The following PSD3 variants were observed in gnomAD, a reference collection of about 807,000 sequenced individuals.
PSD3 encodes the protein PH and SEC7 domain-containing protein 3.
In PSD3, 49 loss-of-function variants were observed where a neutral mutation model predicts 105.5. The ratio of observed to expected loss-of-function variants is 0.46; its 90% confidence interval spans 0.37 to 0.59. The LOEUF (loss-of-function observed/expected upper bound fraction) is 0.59, where lower values mean the gene tolerates loss of function less well. Ranked by LOEUF, PSD3 falls within the 20% of genes least tolerant of loss-of-function variation. The probability of loss-of-function intolerance (pLI) is 0.00; values close to 1 mark genes in which losing one functional copy is unlikely to be tolerated. For synonymous variants in PSD3, 557 were observed against 457.8 expected (o/e 1.22, Z -2.77); for missense variants, 1,561 against 1,263.8 (o/e 1.24, Z -3.57).
intron 3 of PSD3, among the ~76,000 whole-genome samples, chr8:18,869,146 C>T (rs578131135): frequency 4.2e-4 from 64 of 151,462 alleles, no homozygotes; most frequent in African/African-American, 1.4e-3. Context: ...TAAGATGATG[C>T]TCCTCCCTAC....
intron 1 of PSD3, among the ~76,000 whole-genome samples, chr8:18,975,831 AT>A (rs1033204887): frequency 2.0e-5 from 3 of 152,182 alleles, no homozygotes; most frequent in African/African-American, 7.2e-5. Flanking sequence ...ATAAAAAAAA[AT>A]ACACATTGGC....
intron 2 of PSD3, among the ~76,000 whole-genome samples, chr8:18,911,442 T>C (rs1160336710): frequency 6.6e-6 from 1 of 152,128 alleles, no homozygotes; most frequent in Non-Finnish European, 1.5e-5. Context: ...TGACTGGGCA[T>C]GGCAGACCCG....
intron 2 of PSD3, among the ~76,000 whole-genome samples, chr8:18,914,868 C>A (rs958393800): frequency 1.3e-5 from 2 of 152,114 alleles, no homozygotes; most frequent in Non-Finnish European, 2.9e-5. Context: ...AAAATTCATA[C>A]AGAACCAAAA....
intron 4 of PSD3, chr8:18,849,533 A>G (rs1304733730): frequency 1.3e-5 from 2 of 152,202 alleles, no homozygotes; most frequent in Admixed American, 6.5e-5. Context: ...ACTAGGTATC[A>G]TTTACATTTC....
intron 4 of PSD3, among the ~76,000 whole-genome samples, chr8:18,837,302 A>T (rs889976514): frequency 6.6e-5 from 10 of 152,176 alleles, no homozygotes; most frequent in Non-Finnish European, 1.2e-4. Flanking sequence ...CTGAGACTTC[A>T]CTGCTTTGTG....
At chr8:18,815,942 T>C (rs1009459741) in intron 4 of PSD3, among the ~76,000 whole-genome samples, 3 of 152,148 alleles carry the variant, frequency 2.0e-5, no homozygotes, top group African/African-American at 7.2e-5. Context: ...GTGTGCAATG[T>C]TAAAAAAGAG....
chr8:18,671,441 C>G (rs1391280972), intron 9 of PSD3, among the ~76,000 whole-genome samples: 2 of 152,022 alleles, frequency 1.3e-5, no homozygotes, highest in African/African-American at 4.8e-5. Context: ...ATCTGGCAAC[C>G]CTATGCCAGC....
chr8:18,651,118 A>C (rs2130835125), intron 10 of PSD3, among the ~76,000 whole-genome samples: 1 of 152,330 alleles, frequency 6.6e-6, no homozygotes, highest in South Asian at 2.1e-4. Context: ...AAAGAGATAA[A>C]AGTGGAGCTG....
At chr8:18,774,568 C>G in intron 8 of PSD3, 1 of 335,610 alleles carries the variant, frequency 3.0e-6, no homozygotes, top group Non-Finnish European at 5.7e-6. Context: ...CCTCTTACTT[C>G]TGTCGTTGGT....
chr8:18,810,589 CA>C lies in PSD3; in HGVS notation c.1635-5692del, dbSNP rs564372517. 3.1e-3 allele frequency among the ~76,000 whole-genome samples: 470 copies of C among 151,822 alleles called. 3 individuals carry two copies. Among genetic ancestry groups the C allele is most frequent in the South Asian group, 5.4e-3 (26 of 4,790 alleles). ...GTAATTGTGGTAATAAAACTAGGACCAAAAAGAAGTTAGGTTAAGGTGTCAA... is the reference window on the plus strand; with the variant it reads ...GTAATTGTGGTAATAAAACTAGGACCAAAAGAAGTTAGGTTAAGGTGTCAA... On this transcript the variant is annotated intron_variant, in intron 4 of 15. Coordinates refer to ENST00000327040, the MANE Select transcript of PSD3 (RefSeq NM_015310.4).
intron 9 of PSD3, among the ~76,000 whole-genome samples, chr8:18,675,648 A>G (rs1304595349): frequency 6.6e-6 from 1 of 152,206 alleles, no homozygotes; most frequent in Non-Finnish European, 1.5e-5. Context: ...CAGGTGATCT[A>G]CGTGTCCAAA....
intron 9 of PSD3, among the ~76,000 whole-genome samples, chr8:18,678,410 T>A (rs1279729634): frequency 6.6e-6 from 1 of 152,216 alleles, no homozygotes; most frequent in Non-Finnish European, 1.5e-5. Context: ...ACCATCAACT[T>A]CTTTTAAAAA....
intron 4 of PSD3, among the ~76,000 whole-genome samples, chr8:18,834,567 G>C (rs1048100059): frequency 1.3e-5 from 2 of 152,138 alleles, no homozygotes; most frequent in Admixed American, 6.5e-5. Flanking sequence ...TGATAAAACT[G>C]ATCCAACAGA....
chr8:19,067,233 T>C (rs1241000808), intron 1 of PSD3, among the ~76,000 whole-genome samples: 1 of 152,182 alleles, frequency 6.6e-6, no homozygotes, highest in Non-Finnish European at 1.5e-5. Context: ...TAGTAACTAA[T>C]AGTAACTACA....
intron 14 of PSD3, among the ~76,000 whole-genome samples, chr8:18,563,620 T>C (rs566483789): frequency 1.3e-5 from 2 of 152,308 alleles, no homozygotes; most frequent in South Asian, 4.1e-4. Context: ...AAACACAGTA[T>C]TTAATGAGTA....
chr8:18,600,033 A>G (rs561071429), intron 12 of PSD3, among the ~76,000 whole-genome samples: 16 of 152,368 alleles, frequency 1.1e-4, no homozygotes, highest in Non-Finnish European at 2.2e-4. Flanking sequence ...ACACTGCGAT[A>G]GCTGGACAGC....
At chr8:18,660,792 G>A (rs1809291019) in intron 9 of PSD3, among the ~76,000 whole-genome samples, 1 of 152,162 alleles carries the variant, frequency 6.6e-6, no homozygotes, top group Non-Finnish European at 1.5e-5. Flanking sequence ...TGTAATTTCT[G>A]TAACTTAACC....
chr8:18,594,769 A>G (rs1803965465), intron 12 of PSD3, among the ~76,000 whole-genome samples: 1 of 152,028 alleles, frequency 6.6e-6, no homozygotes, highest in Non-Finnish European at 1.5e-5. Flanking sequence ...CACGTTTTAC[A>G]TCATCTCTAG....
chr8:18,611,611 A>G (rs1312164056), intron 11 of PSD3, among the ~76,000 whole-genome samples: 1 of 152,060 alleles, frequency 6.6e-6, no homozygotes, highest in Non-Finnish European at 1.5e-5. Flanking sequence ...AATTAAAGAT[A>G]CTGTCTGCTA....
Sources: allele counts gnomAD v4.1 joint callset (sites outside exome capture counted in the v4.1 genomes callset), GRCh38; gene constraint gnomAD v4.1.1; transcripts MANE v1.5; gene names NCBI Gene and HGNC (gene_info 2026-07-23, HGNC 2026-07-21).